CWF19L1: variants seen among roughly 807,000 people sequenced by gnomAD.
CWF19L1 encodes the protein CWF19-like protein 1.
A neutral mutation model predicts 69.7 loss-of-function variants in CWF19L1; 60 were observed. That is an observed-to-expected ratio of 0.86 (90% CI 0.70 to 1.07). The LOEUF is 1.07. Among genes scored for constraint, CWF19L1 ranks in the 50% least tolerant of loss-of-function variants. The pLI is 0.00. For synonymous variants in CWF19L1, 209 were observed against 222.2 expected, an observed-to-expected ratio of 0.94 and a Z score of 0.53; for missense variants, 591 against 638.9, an observed-to-expected ratio of 0.92 and a Z score of 0.81.
At chr10:100,236,247 C>T (rs12259784) in intron 12 of CWF19L1, among the ~76,000 whole-genome samples, 7,394 of 151,904 alleles carry the variant, frequency 0.049, 598 homozygotes, top group African/African-American at 0.17. Context: ...GCTAAGACTA[C>T]AGGCACATGC....
At chr10:100,246,983 CAACTG>C in intron 7 of CWF19L1, 48 bp from the exon 8 acceptor site, 2 of 1,478,646 alleles carry the variant, frequency 1.4e-6, no homozygotes, top group Non-Finnish European at 1.8e-6. Flanking sequence ...ACTATTTACC[CAACTG>C]TAATCAACCT....
At position 100,241,152 on chromosome 10, in the gene CWF19L1, G is replaced by A. The variant is rs538372667; in HGVS notation, c.1044+2546C>T. On this transcript the variant is annotated intron_variant, in intron 10 of 13. Transcript: ENST00000354105. ...CTCCTGAGTAGCTGGGATTGCAGGC[G>A]CCCGCCACCACGCCCAGCTAATTTT... Among the ~76,000 whole-genome samples, 455 of 151,704 alleles carry A rather than the reference G, an allele frequency of 3.0e-3. 4 individuals carry two copies. Among genetic ancestry groups the A allele is most frequent in the African/African-American group, 0.011 (443 of 41,296 alleles).
At chr10:100,243,554 G>T in intron 10 of CWF19L1, 144 bp downstream of exon 10, 1 of 710,252 alleles carries the variant, frequency 1.4e-6, no homozygotes, top group Non-Finnish European at 2.5e-6. Flanking sequence ...CCACGTGATG[G>T]TGGCATAACT....
chr10:100,267,574 C>T lies in CWF19L1; in HGVS notation c.20G>A (p.Arg7His). The change falls in exon 1 of 14, where the codon CGC becomes CAC. Residue 7 changes from arginine to histidine, a missense_variant. Transcript: ENST00000354105. ...GCTTCCATTCACGGTCACTCACAGGCGCAGCGGTTTCTGTGCCATCTGTCC... is the reference window on the plus strand; with the variant it reads ...GCTTCCATTCACGGTCACTCACAGGTGCAGCGGTTTCTGTGCCATCTGTCC... MAQKPL[R>H]LLACGDVEGK... 1 of 1,614,198 alleles carries T rather than the reference C, an allele frequency of 6.2e-7. No individual in the cohort carries two copies. Among genetic ancestry groups the T allele is most frequent in the Middle Eastern group, 1.7e-4 (1 of 6,060 alleles).
At chr10:100,246,732 T>C (rs1846835483) in intron 8 of CWF19L1, 63 bp downstream of exon 8, 1 of 1,446,802 alleles carries the variant, frequency 6.9e-7, no homozygotes, top group African/African-American at 1.4e-5. Context: ...ACTTGTCTTA[T>C]GTACTAAACT....
chr10:100,243,703 T>C lies in CWF19L1; in HGVS notation c.1039A>G (p.Thr347Ala). The change falls in exon 10 of 14, where the codon ACA becomes GCA. Residue 347 changes from threonine to alanine, a missense_variant. Transcript: ENST00000354105. ...VEKHLVVNIG[T>A]HCYLALAKGG... ...AGTCCAAGGAAGTAACTCACATGTGTGCCGATGTTGACCACCAAATGTTTT... is the reference window on the plus strand; with the variant it reads ...AGTCCAAGGAAGTAACTCACATGTGCGCCGATGTTGACCACCAAATGTTTT... 1 of 1,614,040 alleles carries C rather than the reference T, an allele frequency of 6.2e-7. No homozygotes were observed. Among genetic ancestry groups the C allele is most frequent in the Non-Finnish European group, 8.5e-7 (1 of 1,179,892 alleles).
At chr10:100,265,889 C>A (rs951514983) in intron 1 of CWF19L1, among the ~76,000 whole-genome samples, 1 of 152,166 alleles carries the variant, frequency 6.6e-6, no homozygotes. Context: ...CAATTGCCTA[C>A]AGTATTCAGT....
Position 100,260,291 on chromosome 10 carries a change from A to G in CWF19L1, c.216T>C (p.Ala72=), listed in dbSNP as rs1847355315. The change falls in exon 4 of 14, where the codon GCT becomes GCC. Residue 72 remains alanine (A), a synonymous_variant. Coordinates refer to ENST00000354105, the MANE Select transcript of CWF19L1 (RefSeq NM_018294.6). ...KAPIQTYVLG[A]NNQETVKYFQ... Reference sequence around the variant, plus strand: ...AATATTTTACTGTTTCCTGGTTATTAGCACCAAGCACATATGTCTGAATAG... The same window carrying G: ...AATATTTTACTGTTTCCTGGTTATTGGCACCAAGCACATATGTCTGAATAG... 3 of 1,611,074 alleles carry G rather than the reference A, an allele frequency of 1.9e-6. No homozygotes were observed. The highest frequency in any genetic ancestry group is 2.5e-6 in the Non-Finnish European group (3 of 1,177,354).
intron 1 of CWF19L1, among the ~76,000 whole-genome samples, chr10:100,266,357 T>G (rs940003149): frequency 2.0e-5 from 3 of 151,406 alleles, no homozygotes; most frequent in Non-Finnish European, 4.4e-5. Flanking sequence ...TTTTTTTTTT[T>G]TCTGTATTTT....
At chr10:100,236,098 CCT>C (rs1453170637) in intron 12 of CWF19L1, among the ~76,000 whole-genome samples, 21 of 149,048 alleles carry the variant, frequency 1.4e-4, no homozygotes, top group African/African-American at 4.8e-4. Flanking sequence ...TTGTCCACTG[CCT>C]CTTTTTTTTT....
chr10:100,265,817 G>A (rs71488050), intron 1 of CWF19L1, among the ~76,000 whole-genome samples: 11,413 of 152,062 alleles, frequency 0.075, 583 homozygotes, highest in African/African-American at 0.14. Context: ...CACCACACCC[G>A]GCCAGGTGTT....
chr10:100,241,353 G>A (rs1332518528), intron 10 of CWF19L1, among the ~76,000 whole-genome samples: 1 of 152,094 alleles, frequency 6.6e-6, no homozygotes, highest in Non-Finnish European at 1.5e-5. Flanking sequence ...AGACTCTTCA[G>A]GTGGAAACAA....
intron 3 of CWF19L1, 44 bp downstream of exon 3, chr10:100,260,922 A>T (rs768989776): frequency 3.9e-6 from 5 of 1,268,720 alleles, no homozygotes; most frequent in Non-Finnish European, 5.6e-6. Context: ...TGGCCCTTGA[A>T]ATTTTATTAG....
At chr10:100,245,400 A>G (rs1846781480) in intron 9 of CWF19L1, among the ~76,000 whole-genome samples, 1 of 152,164 alleles carries the variant, frequency 6.6e-6, no homozygotes, top group Non-Finnish European at 1.5e-5. Context: ...AATTGCTTTA[A>G]ATGGTAATTA....
At chr10:100,242,883 T>C (rs1846681443) in intron 10 of CWF19L1, among the ~76,000 whole-genome samples, 1 of 152,070 alleles carries the variant, frequency 6.6e-6, no homozygotes, top group South Asian at 2.1e-4. Context: ...CCAAGAAGTA[T>C]ATAAAAGCAT....
At chr10:100,253,396 C>G in intron 6 of CWF19L1, 25 bp downstream of exon 6, 1 of 1,359,102 alleles carries the variant, frequency 7.4e-7, no homozygotes, top group Non-Finnish European at 1.0e-6. Flanking sequence ...CTTCAAAAAG[C>G]CAAGAAGAAT....
At chr10:100,244,892 T>A (rs1846760410) in intron 9 of CWF19L1, among the ~76,000 whole-genome samples, 1 of 152,078 alleles carries the variant, frequency 6.6e-6, no homozygotes, top group Admixed American at 6.5e-5. Flanking sequence ...TGGCCTTAAG[T>A]GATCCACCCG....
chr10:100,243,713 G>T lies in CWF19L1; in HGVS notation c.1029C>A (p.Val343=). The change falls in exon 10 of 14, where the codon GTC becomes GTA. Residue 343 remains valine, a synonymous_variant. Transcript: ENST00000354105. ...ASPEVEKHLV[V]NIGTHCYLAL... is the part of the protein sequence containing the mutation. The stretch of plus-strand genomic sequence containing the variant: ...AGTAACTCACATGTGTGCCGATGTT[G>T]ACCACCAAATGTTTTTCCACTTCAG... The T allele has an allele frequency of 6.2e-7, 1 of 1,614,022 alleles. No homozygotes were observed. The highest frequency in any genetic ancestry group is 1.1e-5 in the South Asian group (1 of 91,046).
intron 9 of CWF19L1, among the ~76,000 whole-genome samples, chr10:100,245,150 G>A (rs577991559): frequency 4.6e-5 from 7 of 151,748 alleles, no homozygotes; most frequent in African/African-American, 1.7e-4. Context: ...AGCCTCCTGA[G>A]TGGCTGGGAC....
Sources: allele counts gnomAD v4.1 joint callset (sites outside exome capture counted in the v4.1 genomes callset), GRCh38; gene constraint gnomAD v4.1.1; transcripts MANE v1.5; gene names NCBI Gene and HGNC (gene_info 2026-07-23, HGNC 2026-07-21).